The following JPT2 variants were observed in gnomAD, a reference collection of about 807,000 sequenced individuals.
JPT2 encodes the protein CRAMP_1 like.
JPT2 carries 9 observed loss-of-function variants against 15.9 expected under a neutral mutation model. The ratio of observed to expected loss-of-function variants is 0.57; its 90% CI spans 0.34 to 0.99. JPT2 has a LOEUF of 0.99. Ranked by LOEUF, JPT2 falls within the 50% of genes least tolerant of loss-of-function variation. The pLI, the probability that JPT2 is intolerant of heterozygous loss-of-function variation, is 0.02. For missense variants in JPT2, 267 were observed against 252.1 expected, an observed-to-expected ratio of 1.06 and a Z score of -0.40; for synonymous variants, 95 against 91.7, an observed-to-expected ratio of 1.04 and a Z score of -0.21.
At chr16:1,693,249 A>G (rs746115088) in intron 3 of JPT2, among the ~76,000 whole-genome samples, 3 of 152,124 alleles carry the variant, frequency 2.0e-5, no homozygotes, top group Non-Finnish European at 4.4e-5. Context: ...TGCATGCACC[A>G]CCACGTCCGG....
At chr16:1,690,549 A>C (rs991910586) in intron 2 of JPT2, 9 of 152,230 alleles carry the variant, frequency 5.9e-5, no homozygotes, top group African/African-American at 2.2e-4. Context: ...ATCAATTTAC[A>C]AAATGTAATT....
intron 3 of JPT2, chr16:1,692,266 G>C (rs537581438): frequency 2.2e-6 from 1 of 445,134 alleles, no homozygotes; most frequent in Admixed American, 4.0e-5. Flanking sequence ...GCAGTGCTGC[G>C]GGGCGCGGAG....
chr16:1,691,835 T>G lies in JPT2; in HGVS notation c.194-8T>G. 1.9e-6 allele frequency: 3 copies of G among 1,612,370 alleles called. No individual in the cohort carries two copies. The highest frequency in any genetic ancestry group is 2.5e-6 in the Non-Finnish European group (3 of 1,179,456). On this transcript the variant is annotated splice_polypyrimidine_tract_variant and splice_region_variant and intron_variant, in intron 2 of 4. Transcript: ENST00000248098. ...TGGTTGCTCAGTGTTCTGTGATCGT[T>G]TCTGCAGGGGGTAAAGGAAGTGGTA...
At chr16:1,697,645 T>C (rs145615657) in intron 3 of JPT2, among the ~76,000 whole-genome samples, 167 bp from the exon 4 acceptor site, 11 of 152,322 alleles carry the variant, frequency 7.2e-5, no homozygotes, top group African/African-American at 2.2e-4. Context: ...AAATGAAATA[T>C]CAGGTTTGTT....
rs2037155263 is a variant in JPT2, at chr16:1,698,077, C to A, written c.385+217C>A. On this transcript the variant is annotated intron_variant, in intron 4 of 4. Transcript: ENST00000248098. The surrounding 1 kb of genome is among the most constrained non-coding windows in gnomAD (Gnocchi z 4.9). ...GGTTGTCTTGCTCATCAGCCTAGGC[C>A]CAGGGCCATGGGGTCGTCTCCTAGA... Among the ~76,000 whole-genome samples the A allele has an allele frequency of 2.0e-5, 3 of 152,176 alleles. No homozygotes were observed. Among genetic ancestry groups the A allele is most frequent in the African/African-American group, 7.2e-5 (3 of 41,440 alleles).
chr16:1,697,072 A>G (rs1194249875), intron 3 of JPT2, among the ~76,000 whole-genome samples: 1 of 152,274 alleles, frequency 6.6e-6, no homozygotes, highest in African/African-American at 2.4e-5. Context: ...CAACAGATGA[A>G]TGGGTAAACA....
At position 1,696,188 on chromosome 16, in the gene JPT2, C is replaced by T. The variant is rs556371947; in HGVS notation, c.337-1624C>T. On this transcript the variant is annotated intron_variant, in intron 3 of 4. Coordinates refer to ENST00000248098, the MANE Select transcript of JPT2 (RefSeq NM_144570.3). ...AGGTTGCAATGAGTTGAGACTGCGCCATTGCACTCCAACCTGAGTGACAGA... is the reference window on the plus strand; with the variant it reads ...AGGTTGCAATGAGTTGAGACTGCGCTATTGCACTCCAACCTGAGTGACAGA... 1.4e-4 allele frequency among the ~76,000 whole-genome samples: 21 copies of T among 151,722 alleles called. No homozygotes were observed. The South Asian group carries it at 4.0e-3, about 29-fold the overall frequency.
rs754994588 is a variant in JPT2 at position 1,698,876 on chromosome 16, G to A, written c.451G>A (p.Ala151Thr). The A allele has an allele frequency of 3.1e-6, 5 of 1,614,224 alleles. No individual in the cohort carries two copies. The highest frequency in any genetic ancestry group is 1.1e-5 in the South Asian group (1 of 91,090). ...AGGCAGCGCCAGAAAAGCAGGCCCC[G>A]CCAAGGAGCAGGAGCCCATGCCCAC... ...EKGSARKAGP[A>T]KEQEPMPTVD... Residue 151 changes from alanine (A) to threonine (T), a missense_variant, in exon 5 of 5, where the codon GCC (alanine) becomes ACC (threonine). Coordinates refer to ENST00000248098, the MANE Select transcript of JPT2 (RefSeq NM_144570.3). This position sits in a 1 kb window ranked among gnomAD's most constrained non-coding sequence, Gnocchi z 4.9.
chr16:1,692,285 G>A, intron 3 of JPT2: 1 of 392,418 alleles, frequency 2.5e-6, no homozygotes, highest in Admixed American at 4.3e-5. Flanking sequence ...AGAAGCGGTG[G>A]GGAGCGGAAC....
chr16:1,688,976 A>G (rs2037086522), intron 2 of JPT2: 1 of 152,204 alleles, frequency 6.6e-6, no homozygotes, highest in Admixed American at 6.5e-5. Flanking sequence ...TGTGGTTTCC[A>G]AAAAATTCAG....
At position 1,699,588 on chromosome 16, in the gene JPT2, C is replaced by T. The variant is rs1400135860; in HGVS notation, c.*590C>T. On this transcript the variant is annotated 3_prime_UTR_variant, in exon 5 of 5. Transcript: ENST00000248098. ...AATAATAGTTATCCGTCTTCTACTT[C>T]ATGGAAGATTGTTTTGGTGCCCTGA... is the stretch of plus-strand genomic sequence containing the variant. The T allele has an allele frequency of 3.2e-6, 1 of 313,816 alleles. No homozygotes were observed. Among genetic ancestry groups the T allele is most frequent in the Non-Finnish European group, 6.3e-6 (1 of 158,434 alleles). The allele number at this position is 313,816 out of a possible 1,614,324, so 19.4% of individuals were successfully genotyped here.
At chr16:1,679,771 C>T (rs886270080) in intron 1 of JPT2, among the ~76,000 whole-genome samples, 4 of 151,138 alleles carry the variant, frequency 2.6e-5, no homozygotes, top group African/African-American at 7.3e-5. Context: ...AATAATTACC[C>T]GTGGCAGGGT....
At chr16:1,685,881 G>A (rs187512007) in intron 2 of JPT2, 325 of 268,324 alleles carry the variant, frequency 1.2e-3, no homozygotes, top group Middle Eastern at 4.4e-3. Context: ...ATTGTTCCAC[G>A]GACCCCCATG....
At position 1,700,129 on chromosome 16, in the gene JPT2, C is replaced by G. The variant is rs1158699529; in HGVS notation, c.*1131C>G. On this transcript the variant is annotated 3_prime_UTR_variant, in exon 5 of 5. Coordinates refer to ENST00000248098, the MANE Select transcript of JPT2 (RefSeq NM_144570.3). ...AGGAAGAAGAGCTGTGGAGGCCACC[C>G]TCTACAAAGCTTTATAGAACTTCTG... The G allele has an allele frequency of 2.2e-6, 1 of 456,022 alleles. No homozygotes were observed. Among genetic ancestry groups the G allele is most frequent in the Admixed American group, 2.3e-5 (1 of 42,578 alleles). The allele number at this position is 456,022 out of a possible 1,614,324, so 28.2% of individuals were successfully genotyped here.
chr16:1,694,753 A>C (rs1221909873), intron 3 of JPT2, among the ~76,000 whole-genome samples: 1 of 152,200 alleles, frequency 6.6e-6, no homozygotes, highest in East Asian at 1.9e-4. Flanking sequence ...TCTTTAGCAA[A>C]TGGCATTGGT....
chr16:1,682,723 A>G (rs2037033278), intron 1 of JPT2, among the ~76,000 whole-genome samples: 1 of 151,950 alleles, frequency 6.6e-6, no homozygotes, highest in Non-Finnish European at 1.5e-5. Context: ...TCAAAAATGG[A>G]TATGGAAGTC....
intron 1 of JPT2, among the ~76,000 whole-genome samples, chr16:1,684,492 G>C (rs930559862): frequency 2.0e-5 from 3 of 152,176 alleles, no homozygotes; most frequent in Admixed American, 2.0e-4. Context: ...TGTAATCCCA[G>C]CACTTTGGGA....
In JPT2 at chr16:1,691,924, G is replaced by T. The variant is rs1477849472; in HGVS notation, c.275G>T (p.Ser92Ile). 1.2e-6 allele frequency: 2 copies of T among 1,614,094 alleles called. No individual in the cohort carries two copies. Among genetic ancestry groups the T allele is most frequent in the African/African-American group, 2.7e-5 (2 of 74,934 alleles). Residue 92 changes from serine to isoleucine, a missense_variant, in exon 3 of 5, where the codon AGC (serine) becomes ATC (isoleucine). Ser to Ile is a moderately radical substitution (Grantham distance 142, BLOSUM62 -2). Transcript: ENST00000248098. ...QHLNPPGGKT[S>I]DIFGSPVTAT... ...CTGAACCCACCTGGAGGGAAGACCAGCGACATTTTTGGGTCTCCGGTCACT... is the reference window on the plus strand; with the variant it reads ...CTGAACCCACCTGGAGGGAAGACCATCGACATTTTTGGGTCTCCGGTCACT...
At chr16:1,683,633 G>C (rs1193723307) in intron 1 of JPT2, 2 of 1,426,418 alleles carry the variant, frequency 1.4e-6, no homozygotes, top group African/African-American at 2.8e-5. Flanking sequence ...ACAGTAGCCA[G>C]CCCGTGGGTC....
Sources: gnomAD v4.1 joint callset for allele counts (sites outside exome capture counted in the v4.1 genomes callset) on GRCh38, gnomAD v4.1.1 for gene constraint, Gnocchi (gnomAD v3.1) non-coding constraint, MANE v1.5 for transcripts, NCBI Gene and HGNC (gene_info 2026-07-23, HGNC 2026-07-21) for gene names.